HOMER1: variants seen among roughly 807,000 people sequenced by gnomAD.
HOMER1 encodes homer protein homolog 1.
HOMER1 carries 3 observed loss-of-function variants against 48.9 expected under a neutral mutation model. The observed-to-expected ratio is 0.06, with a 90% CI of 0.03 to 0.16. The LOEUF is 0.16. Among genes scored for constraint, HOMER1 ranks in the 10% least tolerant of loss-of-function variants. HOMER1 has a pLI of 1.00. For synonymous variants in HOMER1, 134 were observed against 146.4 expected, an observed-to-expected ratio of 0.92 and a Z score of 0.61; for missense variants, 247 against 411.4, an observed-to-expected ratio of 0.60 and a Z score of 3.46.
chr5:79,417,554 A>G (rs1178928293), intron 5 of HOMER1, among the ~76,000 whole-genome samples: 1 of 152,258 alleles, frequency 6.6e-6, no homozygotes, highest in East Asian at 1.9e-4. Context: ...TCAGTCTTAC[A>G]TACTAAATAA....
At chr5:79,432,713 CTAAAT>C (rs1246266700) in intron 5 of HOMER1, among the ~76,000 whole-genome samples, 11 of 152,148 alleles carry the variant, frequency 7.2e-5, no homozygotes, top group Non-Finnish European at 1.3e-4. Context: ...CTCTTAGTCA[CTAAAT>C]TATATTTATT....
At chr5:79,497,765 C>A (rs943022069) in intron 1 of HOMER1, among the ~76,000 whole-genome samples, 5 of 151,868 alleles carry the variant, frequency 3.3e-5, no homozygotes, top group Non-Finnish European at 7.4e-5. Flanking sequence ...AGCAAGCAAG[C>A]ATGCTTCAGG....
At chr5:79,497,478 C>T (rs1295268641) in intron 1 of HOMER1, among the ~76,000 whole-genome samples, 2 of 151,586 alleles carry the variant, frequency 1.3e-5, no homozygotes, top group African/African-American at 2.4e-5. Flanking sequence ...GGCAAAACCC[C>T]GTCTCTACTA....
At chr5:79,396,796 T>A in intron 8 of HOMER1, 27 bp downstream of exon 8, 1 of 1,375,814 alleles carries the variant, frequency 7.3e-7, no homozygotes, top group Non-Finnish European at 1.0e-6. Flanking sequence ...TATGCAGAAG[T>A]GAATAACAAT....
chr5:79,430,765 C>T (rs1279347756), intron 5 of HOMER1, among the ~76,000 whole-genome samples: 1 of 151,676 alleles, frequency 6.6e-6, no homozygotes, highest in Non-Finnish European at 1.5e-5. Flanking sequence ...GGTGAAACCC[C>T]GTTTCTACTA....
chr5:79,430,143 A>C (rs1750382548), intron 5 of HOMER1, among the ~76,000 whole-genome samples: 1 of 152,262 alleles, frequency 6.6e-6, no homozygotes, highest in Non-Finnish European at 1.5e-5. Context: ...GAGGTTAATA[A>C]CTAGAAATTA....
intron 1 of HOMER1, among the ~76,000 whole-genome samples, chr5:79,474,454 A>G (rs1751705832): frequency 6.6e-6 from 1 of 152,098 alleles, no homozygotes; most frequent in African/African-American, 2.4e-5. Flanking sequence ...GCCTTCACTG[A>G]ATTAAGATTT....
rs1049649367 is a variant in HOMER1, at chr5:79,375,287, A to G, written c.*722T>C. 1.7e-4 allele frequency: 26 copies of G among 152,224 alleles called. No homozygotes were observed. Among genetic ancestry groups the G allele is most frequent in the African/African-American group, 5.5e-4 (23 of 41,574 alleles). The allele number at this position is 152,224 out of a possible 1,614,324, so 9.4% of individuals were successfully genotyped here. A position where few individuals can be genotyped will look rare whatever the true frequency, so the allele number is the denominator to read the frequency against. The stretch of plus-strand genomic sequence containing the variant: ...GTTAGTTGGCTTTAAAATGTGTAAT[A>G]AAATGGGAGACAATATCTTCTCATA... On this transcript the variant is annotated 3_prime_UTR_variant, in exon 9 of 9. Transcript: ENST00000334082.
chr5:79,384,203 TA>T (rs1242094351), intron 8 of HOMER1, among the ~76,000 whole-genome samples: 1 of 140,446 alleles, frequency 7.1e-6, no homozygotes, highest in African/African-American at 2.7e-5. Flanking sequence ...AACAAAAAAA[TA>T]AAGGATCAAT....
chr5:79,384,824 G>T (rs1327399826), intron 8 of HOMER1, among the ~76,000 whole-genome samples: 2 of 152,048 alleles, frequency 1.3e-5, no homozygotes, highest in African/African-American at 2.4e-5. Context: ...TTATACCAAG[G>T]AAACAAGGAT....
chr5:79,415,283 C>T (rs1749913812), intron 5 of HOMER1, among the ~76,000 whole-genome samples: 1 of 151,362 alleles, frequency 6.6e-6, no homozygotes, highest in Non-Finnish European at 1.5e-5. Context: ...TGGTCTCAAA[C>T]TCCTGGGCCC....
intron 1 of HOMER1, among the ~76,000 whole-genome samples, chr5:79,476,558 G>A (rs748303537): frequency 1.3e-5 from 2 of 152,130 alleles, no homozygotes; most frequent in Non-Finnish European, 2.9e-5. Flanking sequence ...CTCTCTTTGA[G>A]TTCGATTAAT....
chr5:79,453,573 T>A (rs1751086329), intron 2 of HOMER1, among the ~76,000 whole-genome samples: 1 of 152,080 alleles, frequency 6.6e-6, no homozygotes, highest in African/African-American at 2.4e-5. Flanking sequence ...AAAAGAAAAA[T>A]TTTAGTTCTG....
chr5:79,419,052 CAT>C (rs1275122082), intron 5 of HOMER1, among the ~76,000 whole-genome samples: 2 of 151,844 alleles, frequency 1.3e-5, no homozygotes, highest in South Asian at 2.1e-4. Flanking sequence ...ATTTGCAAAA[CAT>C]ATTTCAAAAT....
intron 1 of HOMER1, among the ~76,000 whole-genome samples, chr5:79,485,765 G>A (rs1752082627): frequency 6.6e-6 from 1 of 152,216 alleles, no homozygotes; most frequent in Non-Finnish European, 1.5e-5. Context: ...GAATCTGACA[G>A]ATGATAGTGT....
At chr5:79,442,683 A>T (rs1361060873) in intron 4 of HOMER1, among the ~76,000 whole-genome samples, 1 of 152,170 alleles carries the variant, frequency 6.6e-6, no homozygotes, top group Non-Finnish European at 1.5e-5. Context: ...TTCATGGAAG[A>T]CTCAGTCCAT....
intron 5 of HOMER1, among the ~76,000 whole-genome samples, chr5:79,421,645 G>A (rs1422882352): frequency 1.3e-5 from 2 of 149,850 alleles, no homozygotes; most frequent in Non-Finnish European, 3.0e-5. Flanking sequence ...TGCTCTTGTC[G>A]CCCAGGCTGG....
intron 8 of HOMER1, among the ~76,000 whole-genome samples, chr5:79,386,532 GAAGT>G (rs1465828338): frequency 6.6e-6 from 1 of 152,174 alleles, no homozygotes; most frequent in East Asian, 1.9e-4. Flanking sequence ...TTAGATAGAA[GAAGT>G]AAGTTCTAAT....
intron 1 of HOMER1, among the ~76,000 whole-genome samples, chr5:79,485,918 A>G (rs1218479080): frequency 6.6e-6 from 1 of 152,182 alleles, no homozygotes; most frequent in Non-Finnish European, 1.5e-5. Context: ...CTTAAGCCTG[A>G]GTGGGCCTTT....
Sources: gnomAD v4.1 joint callset for allele counts (sites outside exome capture counted in the v4.1 genomes callset) on GRCh38, gnomAD v4.1.1 for gene constraint, MANE v1.5 for transcripts, NCBI Gene and HGNC (gene_info 2026-07-23, HGNC 2026-07-21) for gene names.